ADGRF5: variants seen among roughly 807,000 people sequenced by gnomAD.
ADGRF5 encodes adhesion G protein-coupled receptor F5.
ADGRF5 carries 75 observed loss-of-function variants against 132.3 expected under a neutral mutation model. That is an observed-to-expected ratio of 0.57 (90% CI 0.47 to 0.69). The LOEUF (loss-of-function observed/expected upper bound fraction) is 0.69. Among genes scored for constraint, ADGRF5 ranks in the 30% least tolerant of loss-of-function variants. The pLI is 0.00. For missense variants in ADGRF5, 1,516 were observed against 1,630.6 expected (o/e 0.93, Z 1.21); for synonymous variants, 629 against 597.6 (o/e 1.05, Z -0.77).
At chr6:46,916,906 T>G (rs1776465241) in intron 1 of ADGRF5, among the ~76,000 whole-genome samples, 1 of 152,204 alleles carries the variant, frequency 6.6e-6, no homozygotes, top group Admixed American at 6.5e-5. Context: ...TAAGAGACAA[T>G]ATTAGTGGAA....
chr6:46,920,052 G>T (rs1465860158), intron 1 of ADGRF5, among the ~76,000 whole-genome samples: 2 of 152,070 alleles, frequency 1.3e-5, no homozygotes, highest in Non-Finnish European at 2.9e-5. Flanking sequence ...TGAATAAAAG[G>T]GCAATCTCTC....
Position 46,865,097 on chromosome 6 carries a change from G to T in ADGRF5, c.1935C>A (p.Thr645=). 6.2e-7 allele frequency: 1 copy of T among 1,610,216 alleles called. No individual in the cohort carries two copies. The highest frequency in any genetic ancestry group is 1.7e-4 in the Middle Eastern group (1 of 6,060). Residue 645 remains threonine, a synonymous_variant, in exon 14 of 21, where the codon ACC becomes ACA. Coordinates refer to ENST00000283296, the MANE Select transcript of ADGRF5 (RefSeq NM_001098518.2). The part of the protein sequence containing the change: ...SKTVDVCCHF[T]NAANNSVWSP... ...TCCAGACTGAATTATTAGCAGCATT[G>T]GTAAAGTGACAACACACATCAACAG...
chr6:46,946,970 T>A (rs1359039534), intron 1 of ADGRF5, among the ~76,000 whole-genome samples: 1 of 152,258 alleles, frequency 6.6e-6, no homozygotes, highest in Non-Finnish European at 1.5e-5. Context: ...TAATCTTTAC[T>A]GGCCTTAGAC....
At chr6:46,936,466 T>C (rs895765610) in intron 1 of ADGRF5, among the ~76,000 whole-genome samples, 2 of 152,224 alleles carry the variant, frequency 1.3e-5, no homozygotes, top group African/African-American at 4.8e-5. Context: ...TCTAATTGTA[T>C]ACTATAATAG....
At chr6:46,943,802 G>A (rs751597158) in intron 1 of ADGRF5, among the ~76,000 whole-genome samples, 1 of 152,130 alleles carries the variant, frequency 6.6e-6, no homozygotes, top group African/African-American at 2.4e-5. Context: ...ATAGGCTGCT[G>A]AAACATAAAT....
At position 46,856,784 on chromosome 6, in the gene ADGRF5, T is replaced by C; in HGVS notation, c.3817-7A>G. On this transcript the variant is annotated splice_polypyrimidine_tract_variant and splice_region_variant and intron_variant, in intron 18 of 20. Coordinates refer to ENST00000283296, the MANE Select transcript of ADGRF5 (RefSeq NM_001098518.2). ...TCAGCAAAGCTTCCTGTACCTGCAT[T>C]GTTAAAAAGAAGCTATCGTAACTTC... 1 of 1,596,496 alleles carries C rather than the reference T, an allele frequency of 6.3e-7. No homozygotes were observed. The highest frequency in any genetic ancestry group is 8.6e-7 in the Non-Finnish European group (1 of 1,165,760).
chr6:46,910,766 G>A (rs1021102570), intron 1 of ADGRF5, among the ~76,000 whole-genome samples: 26 of 152,170 alleles, frequency 1.7e-4, no homozygotes, highest in Admixed American at 1.4e-3. Context: ...CAGGCAACTG[G>A]AAAAAAACTT....
chr6:46,954,505 A>G (rs1778649728), intron 1 of ADGRF5, among the ~76,000 whole-genome samples: 1 of 152,046 alleles, frequency 6.6e-6, no homozygotes, highest in Non-Finnish European at 1.5e-5. Context: ...ACCATGATCT[A>G]TATACTGGCT....
chr6:46,882,348 G>A (rs1772568756), intron 6 of ADGRF5, among the ~76,000 whole-genome samples: 1 of 152,096 alleles, frequency 6.6e-6, no homozygotes, highest in East Asian at 1.9e-4. Context: ...AAATGTCTAG[G>A]AAAGAAAACG....
intron 1 of ADGRF5, among the ~76,000 whole-genome samples, chr6:46,914,564 A>G (rs111345308): frequency 4.1e-4 from 63 of 152,282 alleles, no homozygotes; most frequent in Middle Eastern, 3.4e-3. Context: ...TGTACACAAT[A>G]GGATCAAGTT....
intron 9 of ADGRF5, 40 bp from the exon 10 acceptor site, chr6:46,878,445 T>C: frequency 8.2e-7 from 1 of 1,216,740 alleles, no homozygotes; most frequent in Non-Finnish European, 1.2e-6. Flanking sequence ...TTATAACACA[T>C]GTGTATTTTC....
intron 4 of ADGRF5, among the ~76,000 whole-genome samples, chr6:46,885,266 C>T (rs1772948744): frequency 1.3e-5 from 2 of 151,058 alleles, no homozygotes; most frequent in South Asian, 2.1e-4. Flanking sequence ...TTTTCATATG[C>T]CAGTTGTGCT....
intron 17 of ADGRF5, 110 bp from the exon 18 acceptor site, chr6:46,857,018 C>T: frequency 1.2e-6 from 1 of 848,602 alleles, no homozygotes. Context: ...CTTTTTCCTT[C>T]TGAGTTTATG....
intron 4 of ADGRF5, 122 bp downstream of exon 4, chr6:46,888,213 C>G (rs1773253106): frequency 1.5e-6 from 1 of 676,094 alleles, no homozygotes; most frequent in Non-Finnish European, 2.6e-6. Context: ...AATCACACAT[C>G]CGTCTCGGTG....
At position 46,858,984 on chromosome 6, in the gene ADGRF5, G is replaced by A; in HGVS notation, c.2919C>T (p.Cys973=). The A allele has an allele frequency of 6.2e-7, 1 of 1,614,036 alleles. No individual in the cohort carries two copies. The highest frequency in any genetic ancestry group is 8.5e-7 in the Non-Finnish European group (1 of 1,179,950). The stretch of plus-strand genomic sequence containing the variant: ...TGTCCCCATCACCTTCTTCTACATA[G>A]CACCCACTGCTGTCCCACCCCCCTG... ...NNTGGWDSSG[C]YVEEGDGDNV... The change falls in exon 17 of 21, where the codon TGC becomes TGT. Residue 973 remains cysteine, a synonymous_variant. Coordinates refer to ENST00000283296, the MANE Select transcript of ADGRF5 (RefSeq NM_001098518.2).
intron 1 of ADGRF5, among the ~76,000 whole-genome samples, chr6:46,930,101 G>A (rs929395270): frequency 3.3e-5 from 5 of 151,892 alleles, no homozygotes; most frequent in African/African-American, 7.3e-5. Context: ...GATTACAGGC[G>A]TGAGCCACCG....
intron 1 of ADGRF5, among the ~76,000 whole-genome samples, chr6:46,915,942 T>C (rs1219077301): frequency 1.3e-5 from 2 of 152,000 alleles, no homozygotes; most frequent in Non-Finnish European, 2.9e-5. Flanking sequence ...TCTGCAGCGC[T>C]CCCTTTCCCT....
intron 6 of ADGRF5, among the ~76,000 whole-genome samples, chr6:46,882,504 T>C (rs530324800): frequency 3.3e-5 from 5 of 152,158 alleles, no homozygotes; most frequent in Non-Finnish European, 7.4e-5. Context: ...GACACAGATG[T>C]GTTGTGCCCC....
intron 4 of ADGRF5, among the ~76,000 whole-genome samples, chr6:46,884,818 G>A (rs2150845518): frequency 6.6e-6 from 1 of 152,304 alleles, no homozygotes; most frequent in South Asian, 2.1e-4. Context: ...GACACATCAT[G>A]GAGAGGTCCA....
Sources: gnomAD v4.1 joint callset for allele counts (sites outside exome capture counted in the v4.1 genomes callset) on GRCh38, gnomAD v4.1.1 for gene constraint, MANE v1.5 for transcripts, NCBI Gene and HGNC (gene_info 2026-07-23, HGNC 2026-07-21) for gene names.